Variants in CLVS1 observed in about 807,000 individuals in gnomAD.
CLVS1 encodes the protein clavesin-1.
Under a neutral mutation model 33.1 loss-of-function variants are expected in CLVS1, and 10 were observed. That is an observed-to-expected ratio of 0.30 (90% CI 0.19 to 0.51). The LOEUF is 0.51. Among genes scored for constraint, CLVS1 ranks in the 20% least tolerant of loss-of-function variants. The probability of loss-of-function intolerance (pLI) is 0.97; values close to 1 mark genes in which losing one functional copy is unlikely to be tolerated. For synonymous variants in CLVS1, 163 were observed against 166.1 expected (o/e 0.98, Z 0.14); for missense variants, 343 against 433.4 (o/e 0.79, Z 1.85).
chr8:61,210,870 T>A (rs2931330), intron 2 of CLVS1, among the ~76,000 whole-genome samples: 13,655 of 151,978 alleles, frequency 0.09, 1,198 homozygotes, highest in African/African-American at 0.23. Context: ...CAGGGACAGC[T>A]TGTAGAGTAG....
chr8:61,091,940 C>T (rs1041798708), intron 1 of CLVS1, among the ~76,000 whole-genome samples: 5 of 152,156 alleles, frequency 3.3e-5, no homozygotes, highest in African/African-American at 1.2e-4. Flanking sequence ...CCTGGCAAGA[C>T]ACAAGAAAAA....
upstream of CLVS1, among the ~76,000 whole-genome samples, chr8:61,287,027 A>T (rs530803299): frequency 3.3e-5 from 5 of 152,352 alleles, no homozygotes; most frequent in South Asian, 1.0e-3. Flanking sequence ...AATGAAATTT[A>T]TACACATAAA....
chr8:61,300,394 C>T, intron 2 of CLVS1, 112 bp downstream of exon 2: 1 of 984,136 alleles, frequency 1.0e-6, no homozygotes, highest in Non-Finnish European at 1.5e-6. Context: ...AAATATTTCA[C>T]ATGTTCACCA....
chr8:61,474,003 T>A (rs1186081429), intron 5 of CLVS1, among the ~76,000 whole-genome samples: 8 of 151,782 alleles, frequency 5.3e-5, no homozygotes, highest in African/African-American at 1.9e-4. Flanking sequence ...GTGGGAAAAA[T>A]CAGGAACTCA....
At chr8:61,364,688 A>G (rs992876859) in intron 2 of CLVS1, among the ~76,000 whole-genome samples, 37 of 152,224 alleles carry the variant, frequency 2.4e-4, no homozygotes, top group Admixed American at 1.8e-3. Flanking sequence ...TGAATTAGCC[A>G]TATTTTTCAG....
intron 1 of CLVS1, among the ~76,000 whole-genome samples, chr8:61,080,205 T>C (rs1416484180): frequency 2.0e-5 from 3 of 152,224 alleles, no homozygotes; most frequent in Non-Finnish European, 4.4e-5. Flanking sequence ...GCATAATTTA[T>C]AGTAATTAGT....
chr8:61,410,960 T>C (rs1815199147), intron 3 of CLVS1, among the ~76,000 whole-genome samples: 1 of 152,188 alleles, frequency 6.6e-6, no homozygotes, highest in South Asian at 2.1e-4. Flanking sequence ...TTATTAAAAC[T>C]GACATTTGTG....
intron 2 of CLVS1, among the ~76,000 whole-genome samples, chr8:61,181,140 A>G (rs1807220957): frequency 6.6e-6 from 1 of 152,232 alleles, no homozygotes; most frequent in African/African-American, 2.4e-5. Context: ...GCAAAGTCTC[A>G]GGATACAAAA....
chr8:61,234,763 C>T (rs977488031), intron 2 of CLVS1, among the ~76,000 whole-genome samples: 5 of 152,100 alleles, frequency 3.3e-5, no homozygotes, highest in African/African-American at 1.2e-4. Context: ...CTAAGTCTTT[C>T]CCAGCCTAGC....
chr8:61,171,513 A>C (rs903403289), intron 2 of CLVS1, among the ~76,000 whole-genome samples: 10 of 152,214 alleles, frequency 6.6e-5, no homozygotes, highest in Non-Finnish European at 8.8e-5. Flanking sequence ...CCTTCTGTTC[A>C]ATAAGGAGGT....
chr8:60,995,929 G>C, the CLVS1 span, among the ~76,000 whole-genome samples: 1 of 152,042 alleles, frequency 6.6e-6, no homozygotes, highest in Non-Finnish European at 1.5e-5. Context: ...ACCAAACACC[G>C]CATATTCTCA....
In CLVS1 at chr8:61,096,596, T is replaced by A. The variant is rs1277919098; in HGVS notation, c.-242-35174T>A. 2.6e-5 allele frequency among the ~76,000 whole-genome samples: 4 copies of A among 152,248 alleles called. No individual in the cohort carries two copies. In the East Asian group the frequency reaches 5.8e-4, roughly 22 times the overall value. The stretch of plus-strand genomic sequence containing the variant: ...GGAGAAAATAATTTGCGAGACTCAA[T>A]GTCTGAACTAGTAATGCAAACACTT... On this transcript the variant is annotated intron_variant, in intron 1 of 2. Transcript: ENST00000522621.
At chr8:61,185,278 A>G (rs571649097) in intron 2 of CLVS1, among the ~76,000 whole-genome samples, 15 of 150,120 alleles carry the variant, frequency 1.0e-4, no homozygotes, top group Non-Finnish European at 2.1e-4. Flanking sequence ...AGTAGCTAGG[A>G]TTACAAGCAC....
At chr8:61,326,949 G>T (rs16927189) in intron 2 of CLVS1, among the ~76,000 whole-genome samples, 16 of 151,998 alleles carry the variant, frequency 1.1e-4, no homozygotes, top group African/African-American at 3.9e-4. Context: ...CTCAAAAACC[G>T]TAAAAACATG....
At chr8:61,473,463 G>A (rs562141811) in intron 5 of CLVS1, among the ~76,000 whole-genome samples, 13 of 152,190 alleles carry the variant, frequency 8.5e-5, no homozygotes, top group African/African-American at 1.7e-4. Context: ...TATGAATATC[G>A]GACTTTGTCC....
At chr8:61,406,232 T>G (rs1327042293) in intron 3 of CLVS1, among the ~76,000 whole-genome samples, 2 of 152,196 alleles carry the variant, frequency 1.3e-5, no homozygotes, top group Non-Finnish European at 2.9e-5. Context: ...TTCCATTACT[T>G]CTCCCAGTTT....
At chr8:61,325,747 C>T (rs1811358751) in intron 2 of CLVS1, among the ~76,000 whole-genome samples, 2 of 152,258 alleles carry the variant, frequency 1.3e-5, no homozygotes, top group South Asian at 2.1e-4. Context: ...CCATCTCATA[C>T]ATCGATAATT....
intron 1 of CLVS1, among the ~76,000 whole-genome samples, chr8:61,108,215 C>T (rs1409465933): frequency 1.5e-5 from 2 of 129,794 alleles, no homozygotes; most frequent in Non-Finnish European, 3.1e-5. Flanking sequence ...AAGACTCCGT[C>T]TCAAAAAAAA....
At chr8:61,121,539 C>T (rs2129289803) in intron 1 of CLVS1, among the ~76,000 whole-genome samples, 1 of 152,278 alleles carries the variant, frequency 6.6e-6, no homozygotes, top group East Asian at 1.9e-4. Flanking sequence ...TGTCTTGTGA[C>T]ACTCACAGAT....
Sources: gnomAD v4.1 joint callset for allele counts (sites outside exome capture counted in the v4.1 genomes callset) on GRCh38, gnomAD v4.1.1 for gene constraint, MANE v1.5 for transcripts, NCBI Gene and HGNC (gene_info 2026-07-23, HGNC 2026-07-21) for gene names.